Variants in ZFAND3 observed in about 807,000 individuals in gnomAD.
ZFAND3 encodes zinc finger AN1-type containing 3, also known as AN1-type zinc finger protein 3.
A neutral mutation model predicts 29.6 loss-of-function variants in ZFAND3; 10 were observed. The observed-to-expected ratio is 0.34, with a 90% CI of 0.21 to 0.57. The LOEUF (loss-of-function observed/expected upper bound fraction) is 0.57. ZFAND3 is among the 20% of genes least tolerant of loss of function. The probability of loss-of-function intolerance (pLI) is 0.86; values close to 1 mark genes in which losing one functional copy is unlikely to be tolerated. For missense variants in ZFAND3, 230 were observed against 304.5 expected (o/e 0.76, Z 1.82); for synonymous variants, 128 against 112.6 (o/e 1.14, Z -0.87).
chr6:37,905,399 T>A lies in ZFAND3; in HGVS notation c.72-24560T>A, dbSNP rs957069346. Among the ~76,000 whole-genome samples, 11 of 152,158 alleles carry A rather than the reference T, an allele frequency of 7.2e-5. No homozygotes were observed. In the East Asian group the frequency reaches 2.1e-3, roughly 29 times the overall value. The stretch of plus-strand genomic sequence containing the variant: ...ATAGTCAGTTTCTCTGCTACCCACC[T>A]TTCATGATATACTTTGAAATTTGGT... On this transcript the variant is annotated intron_variant, in intron 1 of 5. Transcript: ENST00000287218.
At position 38,154,084 on chromosome 6, in the gene ZFAND3, C is replaced by T; in HGVS notation, c.*1695C>T. ...CTTAATTCTTGCTTCAGGACCCAGA[C>T]CGGTGTCTTGCTCTAGGGCAACCCA... On this transcript the variant is annotated 3_prime_UTR_variant, in exon 6 of 6. Transcript: ENST00000287218. 2.0e-6 allele frequency: 2 copies of T among 985,590 alleles called. No homozygotes were observed. Among genetic ancestry groups the T allele is most frequent in the Non-Finnish European group, 2.4e-6 (2 of 830,022 alleles). The allele number at this position is 985,590 out of a possible 1,614,324, so 61.1% of individuals were successfully genotyped here. A position where few individuals can be genotyped will look rare whatever the true frequency, so the allele number is the denominator to read the frequency against.
At chr6:37,869,025 C>T (rs1482227431) in intron 1 of ZFAND3, among the ~76,000 whole-genome samples, 6 of 152,080 alleles carry the variant, frequency 3.9e-5, no homozygotes, top group Admixed American at 3.9e-4. Flanking sequence ...ATTTTTTAGT[C>T]TATAGTATGT....
At chr6:37,965,663 G>A (rs546530436) in intron 2 of ZFAND3, among the ~76,000 whole-genome samples, 5 of 151,766 alleles carry the variant, frequency 3.3e-5, no homozygotes, top group African/African-American at 9.7e-5. Flanking sequence ...GTAAATATAT[G>A]TTGTCTTAGA....
chr6:38,074,511 A>G (rs553957667), intron 3 of ZFAND3, among the ~76,000 whole-genome samples: 1 of 152,336 alleles, frequency 6.6e-6, no homozygotes, highest in South Asian at 2.1e-4. Context: ...CTACCATGCT[A>G]GTAAAGAAGT....
At chr6:37,868,576 G>C (rs760557367) in intron 1 of ZFAND3, among the ~76,000 whole-genome samples, 3 of 152,138 alleles carry the variant, frequency 2.0e-5, no homozygotes, top group Non-Finnish European at 4.4e-5. Flanking sequence ...CTTGTATGTG[G>C]TTATAGGAAG....
intron 2 of ZFAND3, among the ~76,000 whole-genome samples, chr6:38,061,106 T>G (rs72852544): frequency 0.27 from 41,229 of 152,138 alleles, 6,750 homozygotes; most frequent in Admixed American, 0.4. Flanking sequence ...TGGACTTCAT[T>G]TAGTCCAAAT....
At chr6:37,977,931 TC>T (rs1243671175) in intron 2 of ZFAND3, among the ~76,000 whole-genome samples, 3 of 129,148 alleles carry the variant, frequency 2.3e-5, no homozygotes, top group African/African-American at 5.3e-5. Flanking sequence ...CTTCCGTTCT[TC>T]CTTTCTTCCT....
intron 1 of ZFAND3, among the ~76,000 whole-genome samples, chr6:37,869,385 C>G (rs1764649888): frequency 6.6e-6 from 1 of 152,098 alleles, no homozygotes; most frequent in Non-Finnish European, 1.5e-5. Flanking sequence ...TCTCGAACTC[C>G]TGACCTCAGG....
At chr6:38,076,241 A>G (rs1024133458) in intron 3 of ZFAND3, among the ~76,000 whole-genome samples, 2 of 152,218 alleles carry the variant, frequency 1.3e-5, no homozygotes, top group African/African-American at 2.4e-5. Context: ...AGGTATGTAC[A>G]TTGTTTCTTG....
At chr6:37,858,568 T>C (rs763172834) in intron 1 of ZFAND3, among the ~76,000 whole-genome samples, 7 of 152,290 alleles carry the variant, frequency 4.6e-5, no homozygotes, top group Middle Eastern at 3.4e-3. Context: ...TTTGCAAATA[T>C]ATAACAAAAG....
At chr6:38,066,423 GA>G (rs2127465287) in intron 3 of ZFAND3, among the ~76,000 whole-genome samples, 1 of 152,348 alleles carries the variant, frequency 6.6e-6, no homozygotes, top group East Asian at 1.9e-4. Context: ...CAAGGGACCA[GA>G]ATTTCATCTG....
At chr6:38,058,674 C>A (rs1252485587) in intron 2 of ZFAND3, among the ~76,000 whole-genome samples, 2 of 152,110 alleles carry the variant, frequency 1.3e-5, no homozygotes, top group African/African-American at 4.8e-5. Context: ...GATCACAGTG[C>A]CACATCCTGT....
chr6:38,083,200 T>C (rs1454300301), intron 4 of ZFAND3, among the ~76,000 whole-genome samples: 3 of 152,160 alleles, frequency 2.0e-5, no homozygotes, highest in African/African-American at 7.2e-5. Context: ...CCAGCAGAAG[T>C]AGCACAAACT....
At chr6:37,994,552 T>C (rs1762816371) in intron 2 of ZFAND3, among the ~76,000 whole-genome samples, 1 of 152,210 alleles carries the variant, frequency 6.6e-6, no homozygotes, top group African/African-American at 2.4e-5. Context: ...GTTTTGACGT[T>C]GTATGCTTGG....
intron 4 of ZFAND3, among the ~76,000 whole-genome samples, chr6:38,105,230 A>G (rs1002456690): frequency 6.6e-6 from 1 of 152,154 alleles, no homozygotes; most frequent in Non-Finnish European, 1.5e-5. Context: ...ACCTTCCATG[A>G]TAAGTGGCCT....
chr6:38,024,606 G>C (rs1042136513), intron 2 of ZFAND3, among the ~76,000 whole-genome samples: 2 of 152,162 alleles, frequency 1.3e-5, no homozygotes, highest in African/African-American at 4.8e-5. Context: ...CCATACAGTG[G>C]AATATTACTC....
At chr6:37,848,630 G>C (rs1047486707) in intron 1 of ZFAND3, among the ~76,000 whole-genome samples, 20 of 152,212 alleles carry the variant, frequency 1.3e-4, no homozygotes, top group African/African-American at 4.6e-4. Context: ...TGCAGAAATA[G>C]AGCTGCTTGA....
intron 1 of ZFAND3, among the ~76,000 whole-genome samples, chr6:37,916,677 G>C: frequency 6.6e-6 from 1 of 151,838 alleles, no homozygotes; most frequent in Non-Finnish European, 1.5e-5. Flanking sequence ...AAAAAAGTAA[G>C]GTATGCCATG....
chr6:38,077,785 C>T (rs1764583741), intron 3 of ZFAND3, among the ~76,000 whole-genome samples: 1 of 152,172 alleles, frequency 6.6e-6, no homozygotes, highest in Non-Finnish European at 1.5e-5. Context: ...TCTGTATTTA[C>T]TCAGCTGTGG....
Sources: gnomAD v4.1 joint callset for allele counts (sites outside exome capture counted in the v4.1 genomes callset) on GRCh38, gnomAD v4.1.1 for gene constraint, MANE v1.5 for transcripts, NCBI Gene and HGNC (gene_info 2026-07-23, HGNC 2026-07-21) for gene names.